GRM7: variants seen among roughly 807,000 people sequenced by gnomAD.
The protein encoded by GRM7 is metabotropic glutamate receptor 7.
A neutral mutation model predicts 84.5 loss-of-function variants in GRM7; 35 were observed. The ratio of observed to expected loss-of-function variants is 0.41; its 90% CI spans 0.32 to 0.55. The LOEUF is 0.55. Ranked by LOEUF, GRM7 falls within the 20% of genes least tolerant of loss-of-function variation. The pLI is 0.19. For synonymous variants in GRM7, 487 were observed against 455.1 expected, an observed-to-expected ratio of 1.07 and a Z score of -0.89; for missense variants, 1,003 against 1,194.6, an observed-to-expected ratio of 0.84 and a Z score of 2.36.
intron 4 of GRM7, among the ~76,000 whole-genome samples, chr3:7,398,196 G>C (rs533471604): frequency 3.9e-5 from 6 of 152,166 alleles, no homozygotes; most frequent in Admixed American, 2.6e-4. Context: ...AAAGCACTTA[G>C]GAAATATGGC....
At position 7,673,158 on chromosome 3, in the gene GRM7, G is replaced by A. The variant is rs181448807; in HGVS notation, c.2452-6891G>A. Among the ~76,000 whole-genome samples the A allele has an allele frequency of 3.0e-3, 464 of 152,202 alleles. 7 individuals are homozygous for A. The highest frequency in any genetic ancestry group is 0.02 in the Middle Eastern group (6 of 294). ...GAGACCATCATTTGATCCCAACAGC[G>A]TTATGAGATAGGTATTACTGTCATC... On this transcript the variant is annotated intron_variant, in intron 8 of 9. Transcript: ENST00000357716.
At chr3:6,988,402 A>G (rs886616671) in intron 1 of GRM7, among the ~76,000 whole-genome samples, 1 of 151,868 alleles carries the variant, frequency 6.6e-6, no homozygotes, top group Non-Finnish European at 1.5e-5. Flanking sequence ...CAGATACCAG[A>G]TGCATCCAGT....
intron 7 of GRM7, among the ~76,000 whole-genome samples, chr3:7,550,236 C>T (rs959784419): frequency 2.0e-5 from 3 of 151,690 alleles, no homozygotes; most frequent in Non-Finnish European, 2.9e-5. Flanking sequence ...AAACTCATTT[C>T]TAGCCACTTT....
intron 2 of GRM7, among the ~76,000 whole-genome samples, chr3:7,149,584 T>C (rs1694214880): frequency 6.6e-6 from 1 of 152,092 alleles, no homozygotes; most frequent in Non-Finnish European, 1.5e-5. Flanking sequence ...ACAAACCCAA[T>C]GTGTATGGGT....
intron 2 of GRM7, among the ~76,000 whole-genome samples, chr3:7,170,790 T>C (rs1430275134): frequency 1.3e-5 from 2 of 152,130 alleles, no homozygotes; most frequent in Non-Finnish European, 2.9e-5. Context: ...GGAAAAAGAT[T>C]GAGTTACAAA....
At position 7,298,706 on chromosome 3, in the gene GRM7, C is replaced by G. The variant is rs144380165; in HGVS notation, c.759C>G (p.Ser253=). 1 of 1,613,204 alleles carries G rather than the reference C, an allele frequency of 6.2e-7. No individual in the cohort carries two copies. The highest frequency in any genetic ancestry group is 1.3e-5 in the African/African-American group (1 of 74,850). The change falls in exon 3 of 10, where the codon TCC becomes TCG. Residue 253 remains serine (S), a synonymous_variant. Coordinates refer to ENST00000357716, the MANE Select transcript of GRM7 (RefSeq NM_000844.4). ...CAGGTGGACTCTGCATTGCCCAGTC[C>G]GTGAGAATCCCCCAGGAACGCAAAG... is the stretch of plus-strand genomic sequence containing the variant. ...KEAGGLCIAQ[S]VRIPQERKDR...
At chr3:7,493,941 A>G (rs75214729) in intron 7 of GRM7, among the ~76,000 whole-genome samples, 1 of 152,052 alleles carries the variant, frequency 6.6e-6, no homozygotes, top group Non-Finnish European at 1.5e-5. Flanking sequence ...GAAACCTTCC[A>G]TTTAGGTCCC....
At chr3:7,627,670 G>A (rs1409786475) in intron 8 of GRM7, among the ~76,000 whole-genome samples, 2 of 152,064 alleles carry the variant, frequency 1.3e-5, no homozygotes, top group Non-Finnish European at 2.9e-5. Context: ...CGAACTGGGT[G>A]GTGGAAACAA....
chr3:6,980,873 T>C (rs1402120400), intron 1 of GRM7, among the ~76,000 whole-genome samples: 1 of 152,138 alleles, frequency 6.6e-6, no homozygotes, highest in Non-Finnish European at 1.5e-5. Flanking sequence ...AGGCTATAGA[T>C]TAGGTGAGAT....
At position 7,579,358 on chromosome 3, in the gene GRM7, G is replaced by T; in HGVS notation, c.2451+1G>T. On this transcript the variant is annotated splice_donor_variant, in intron 8 of 9. Transcript: ENST00000357716. LOFTEE classifies it high-confidence loss of function. ...TGGCACCGCTCAATCAGCGGAAAAGGTAAGTGAAAATGCACATCATAATAT... is the reference window on the plus strand; with the variant it reads ...TGGCACCGCTCAATCAGCGGAAAAGTTAAGTGAAAATGCACATCATAATAT... 6.6e-7 allele frequency: 1 copy of T among 1,522,518 alleles called. No homozygotes were observed. The allele number at this position is 1,522,518 out of a possible 1,614,324, so 94.3% of individuals were successfully genotyped here.
intron 9 of GRM7, among the ~76,000 whole-genome samples, chr3:7,715,120 T>C (rs1039119115): frequency 1.3e-5 from 2 of 152,096 alleles, no homozygotes; most frequent in Admixed American, 6.6e-5. Context: ...CATGACCCAA[T>C]AGGAAATTAT....
chr3:7,711,486 G>A (rs756498908), intron 9 of GRM7, among the ~76,000 whole-genome samples: 18 of 152,178 alleles, frequency 1.2e-4, no homozygotes, highest in Non-Finnish European at 1.8e-4. Context: ...CCAGTGAGAA[G>A]CTGGCAGTGA....
intron 8 of GRM7, among the ~76,000 whole-genome samples, chr3:7,641,205 C>T (rs1403030384): frequency 6.6e-6 from 1 of 152,146 alleles, no homozygotes; most frequent in Non-Finnish European, 1.5e-5. Flanking sequence ...GAACTTTTTA[C>T]TTCTGGAATG....
chr3:6,881,304 C>A (rs576215871), intron 1 of GRM7, among the ~76,000 whole-genome samples: 5 of 152,044 alleles, frequency 3.3e-5, no homozygotes, highest in African/African-American at 1.2e-4. Context: ...ACTCCACCCC[C>A]CAACAGTCTC....
chr3:7,702,388 A>G (rs1277849491), intron 9 of GRM7, among the ~76,000 whole-genome samples: 1 of 152,202 alleles, frequency 6.6e-6, no homozygotes, highest in Non-Finnish European at 1.5e-5. Context: ...AAGGATTCTG[A>G]AAGAAAATTT....
intron 1 of GRM7, among the ~76,000 whole-genome samples, chr3:6,877,809 T>TCACACACACACACA (rs3220585): frequency 4.1e-5 from 6 of 145,646 alleles, no homozygotes; most frequent in Admixed American, 1.4e-4. Context: ...TACACAGATA[T>TCACACACACACACA]CACACACACA....
intron 1 of GRM7, among the ~76,000 whole-genome samples, chr3:7,112,495 A>AT (rs1007063062): frequency 2.6e-5 from 4 of 152,114 alleles, no homozygotes; most frequent in African/African-American, 9.7e-5. Context: ...AAGTGCTGGG[A>AT]TTACAGGCAT....
At chr3:7,676,659 C>G (rs537670466) in intron 8 of GRM7, among the ~76,000 whole-genome samples, 2 of 152,200 alleles carry the variant, frequency 1.3e-5, no homozygotes, top group South Asian at 4.1e-4. Flanking sequence ...GTCTTGAATG[C>G]CTGACCTCAG....
intron 2 of GRM7, among the ~76,000 whole-genome samples, chr3:7,248,525 G>A (rs187179264): frequency 6.6e-6 from 1 of 152,144 alleles, no homozygotes; most frequent in East Asian, 1.9e-4. Context: ...CATTATGTTG[G>A]TGGTTACACA....
Sources: allele counts gnomAD v4.1 joint callset (sites outside exome capture counted in the v4.1 genomes callset), GRCh38; gene constraint gnomAD v4.1.1; transcripts MANE v1.5; gene names NCBI Gene and HGNC (gene_info 2026-07-23, HGNC 2026-07-21).